Variants in CAMK1D observed in about 807,000 individuals in gnomAD.
CAMK1D encodes the protein calcium/calmodulin dependent protein kinase ID.
CAMK1D carries 9 observed loss-of-function variants against 47.7 expected under a neutral mutation model. The ratio of observed to expected loss-of-function variants is 0.19; its 90% CI spans 0.11 to 0.33. The LOEUF (loss-of-function observed/expected upper bound fraction) is 0.33. CAMK1D is among the 10% of genes least tolerant of loss of function. The pLI, the probability that CAMK1D is intolerant of heterozygous loss-of-function variation, is 1.00. For missense variants in CAMK1D, 291 were observed against 488.7 expected (o/e 0.60, Z 3.81); for synonymous variants, 184 against 184.9 (o/e 0.99, Z 0.04).
chr10:12,737,651 T>C (rs1043927918), intron 3 of CAMK1D, among the ~76,000 whole-genome samples: 1 of 152,180 alleles, frequency 6.6e-6, no homozygotes, highest in Admixed American at 6.5e-5. Context: ...ACACTTCTGT[T>C]CTTGGCATTG....
intron 1 of CAMK1D, among the ~76,000 whole-genome samples, chr10:12,468,427 T>G (rs1335955602): frequency 6.6e-6 from 1 of 152,216 alleles, no homozygotes; most frequent in East Asian, 1.9e-4. Flanking sequence ...AAAAGCCATG[T>G]TGTGGGCCAC....
At chr10:12,526,667 C>T (rs1299625027) in intron 1 of CAMK1D, among the ~76,000 whole-genome samples, 3 of 152,120 alleles carry the variant, frequency 2.0e-5, no homozygotes, top group Non-Finnish European at 4.4e-5. Flanking sequence ...CCTGTAATCC[C>T]AGCACTTTGG....
intron 2 of CAMK1D, among the ~76,000 whole-genome samples, chr10:12,555,529 G>C (rs1836733100): frequency 6.6e-6 from 1 of 152,102 alleles, no homozygotes; most frequent in African/African-American, 2.4e-5. Context: ...AGAGAATCTG[G>C]GAAAACAAAT....
At chr10:12,626,641 T>C (rs796728647) in intron 2 of CAMK1D, among the ~76,000 whole-genome samples, 3 of 152,106 alleles carry the variant, frequency 2.0e-5, no homozygotes, top group Non-Finnish European at 4.4e-5. Context: ...ATCTGGCTAA[T>C]TTTTTGTATT....
At chr10:12,616,610 C>CG (rs1234449842) in intron 2 of CAMK1D, among the ~76,000 whole-genome samples, 41 of 151,764 alleles carry the variant, frequency 2.7e-4, no homozygotes, top group Non-Finnish European at 4.1e-4. Flanking sequence ...CTCCGCCTCC[C>CG]GGGTTCACGC....
chr10:12,461,895 C>A (rs946889900), intron 1 of CAMK1D, among the ~76,000 whole-genome samples: 19 of 152,146 alleles, frequency 1.2e-4, no homozygotes, highest in African/African-American at 2.9e-4. Context: ...AGAAACCAAA[C>A]ACTGTTTTTC....
In CAMK1D at chr10:12,833,617, C is replaced by T. The variant is rs556227494; in HGVS notation, c.*4730C>T. Reference sequence around the variant, plus strand: ...CTGCCGCAGCTTCAGCCAGAGCCCTCGCTGCTTCGCAGAATTTAACAAGCA... The same window carrying T: ...CTGCCGCAGCTTCAGCCAGAGCCCTTGCTGCTTCGCAGAATTTAACAAGCA... On this transcript the variant is annotated 3_prime_UTR_variant, in exon 11 of 11. Coordinates refer to ENST00000619168, the MANE Select transcript of CAMK1D (RefSeq NM_153498.4). 6 of 152,306 alleles carry T rather than the reference C, an allele frequency of 3.9e-5. No individual in the cohort carries two copies. In the East Asian group the frequency reaches 9.7e-4, roughly 25 times the overall value. 9.4% of individuals were successfully genotyped at this position (152,306 alleles called of 1,614,324 possible).
intron 2 of CAMK1D, among the ~76,000 whole-genome samples, chr10:12,655,070 A>C (rs1288042661): frequency 6.6e-6 from 1 of 152,200 alleles, no homozygotes; most frequent in African/African-American, 2.4e-5. Context: ...CTGCATTGCT[A>C]TACAGAAATA....
chr10:12,401,054 T>A (rs1335871069), intron 1 of CAMK1D, among the ~76,000 whole-genome samples: 22 of 100,434 alleles, frequency 2.2e-4, no homozygotes, highest in African/African-American at 8.4e-4. Flanking sequence ...TTATATATAT[T>A]ATATATATAT....
At chr10:12,769,580 C>T (rs1320181118) in intron 4 of CAMK1D, 93 bp from the exon 5 acceptor site, 9 of 1,410,198 alleles carry the variant, frequency 6.4e-6, no homozygotes, top group South Asian at 2.6e-5. Context: ...GACGTCCTGA[C>T]GTTGTGAATA....
chr10:12,656,054 A>T (rs1564471254), intron 2 of CAMK1D, among the ~76,000 whole-genome samples: 3 of 152,166 alleles, frequency 2.0e-5, no homozygotes, highest in Non-Finnish European at 4.4e-5. Context: ...GACCTTGGGG[A>T]CTTTCTGGTC....
intron 2 of CAMK1D, among the ~76,000 whole-genome samples, chr10:12,652,976 G>A (rs1199759593): frequency 6.6e-6 from 1 of 152,192 alleles, no homozygotes; most frequent in Non-Finnish European, 1.5e-5. Context: ...CAAAATAGCT[G>A]AAACTGGGTA....
chr10:12,658,722 G>C (rs1840188426), intron 2 of CAMK1D, among the ~76,000 whole-genome samples: 1 of 152,124 alleles, frequency 6.6e-6, no homozygotes, highest in Non-Finnish European at 1.5e-5. Flanking sequence ...CGTGGAGTTT[G>C]GCTGGGGCAG....
At chr10:12,528,917 T>C (rs964536633) in intron 1 of CAMK1D, among the ~76,000 whole-genome samples, 1 of 151,952 alleles carries the variant, frequency 6.6e-6, no homozygotes, top group Non-Finnish European at 1.5e-5. Context: ...AATTTTCTTA[T>C]TTTTTGTAGA....
chr10:12,765,889 C>G (rs1185646271), intron 4 of CAMK1D, among the ~76,000 whole-genome samples: 1 of 143,024 alleles, frequency 7.0e-6, no homozygotes, highest in Non-Finnish European at 1.5e-5. Context: ...GTATAGGACA[C>G]AAAAAACTAG....
chr10:12,655,206 T>C lies in CAMK1D; in HGVS notation c.225-11530T>C, dbSNP rs888752488. On this transcript the variant is annotated intron_variant, in intron 2 of 10. Transcript: ENST00000619168. ...GACCTCAGGAAACTTACACTCATGATGGAAGGCAAAGGGGGAGCAGGCATG... is the reference window on the plus strand; with the variant it reads ...GACCTCAGGAAACTTACACTCATGACGGAAGGCAAAGGGGGAGCAGGCATG... 3.9e-5 allele frequency among the ~76,000 whole-genome samples: 6 copies of C among 152,112 alleles called. No individual in the cohort carries two copies. In the South Asian group the frequency reaches 6.2e-4, roughly 16 times the overall value.
At chr10:12,388,530 A>G (rs1445734326) in intron 1 of CAMK1D, among the ~76,000 whole-genome samples, 12 of 152,180 alleles carry the variant, frequency 7.9e-5, no homozygotes, top group Non-Finnish European at 1.5e-5. Flanking sequence ...GGCCCAGGAA[A>G]TGTTTTTGGC....
At chr10:12,667,612 A>T (rs1840475249) in intron 3 of CAMK1D, among the ~76,000 whole-genome samples, 1 of 152,374 alleles carries the variant, frequency 6.6e-6, no homozygotes, top group Non-Finnish European at 1.5e-5. Context: ...TACCTGAATA[A>T]ATAAATGCTG....
chr10:12,474,470 G>A (rs1269762247), intron 1 of CAMK1D, among the ~76,000 whole-genome samples: 1 of 152,018 alleles, frequency 6.6e-6, no homozygotes, highest in Non-Finnish European at 1.5e-5. Flanking sequence ...TGGGATTACA[G>A]GCGTGAACCA....
Sources: allele counts gnomAD v4.1 joint callset (sites outside exome capture counted in the v4.1 genomes callset), GRCh38; gene constraint gnomAD v4.1.1; transcripts MANE v1.5; gene names NCBI Gene and HGNC (gene_info 2026-07-23, HGNC 2026-07-21).